Variants in GPR158 observed in about 807,000 individuals in gnomAD.
The protein encoded by GPR158 is G protein-coupled receptor 158.
In GPR158, 30 loss-of-function variants were observed where a neutral mutation model predicts 78.2. That is an observed-to-expected ratio of 0.38 (90% CI 0.29 to 0.52). The LOEUF is 0.52. Among genes scored for constraint, GPR158 ranks in the 20% least tolerant of loss-of-function variants. The pLI is 0.83. For missense variants in GPR158, 1,463 were observed against 1,523.5 expected, an observed-to-expected ratio of 0.96 and a Z score of 0.66; for synonymous variants, 581 against 591.1, an observed-to-expected ratio of 0.98 and a Z score of 0.25.
rs946604590 is a variant in GPR158, at chr10:25,336,998, C to T, written c.1009-58913C>T. ...TTCTTATATTCTTCAGAGAATTATG[C>T]AAATGGAAAAATAAGTAATTTATAA... On this transcript the variant is annotated intron_variant, in intron 2 of 10. Transcript: ENST00000376351. Among the ~76,000 whole-genome samples the T allele has an allele frequency of 1.6e-4, 24 of 151,202 alleles. 1 individual carries two copies. The highest frequency in any genetic ancestry group is 3.4e-3 in the Middle Eastern group (1 of 294).
chr10:25,312,028 A>G (rs538149996), intron 2 of GPR158, among the ~76,000 whole-genome samples: 1 of 152,182 alleles, frequency 6.6e-6, no homozygotes, highest in Non-Finnish European at 1.5e-5. Context: ...TGGTCAAACT[A>G]TATGAAAATT....
At chr10:25,324,138 A>C (rs1420535881) in intron 2 of GPR158, among the ~76,000 whole-genome samples, 2 of 152,226 alleles carry the variant, frequency 1.3e-5, no homozygotes, top group Non-Finnish European at 2.9e-5. Flanking sequence ...CTGGTGTAAC[A>C]CTTTTAATTT....
intron 2 of GPR158, among the ~76,000 whole-genome samples, chr10:25,357,883 A>G (rs192512899): frequency 6.6e-5 from 10 of 152,178 alleles, no homozygotes; most frequent in East Asian, 1.9e-4. Flanking sequence ...AGCTTGTACT[A>G]TGTGCCTGGA....
intron 2 of GPR158, among the ~76,000 whole-genome samples, chr10:25,362,252 A>G (rs1367213934): frequency 1.3e-5 from 2 of 151,944 alleles, no homozygotes; most frequent in Non-Finnish European, 2.9e-5. Flanking sequence ...TTCTTGTGGA[A>G]GATCATTTCA....
At chr10:25,576,797 T>C (rs1183952540) in intron 7 of GPR158, among the ~76,000 whole-genome samples, 2 of 152,202 alleles carry the variant, frequency 1.3e-5, no homozygotes, top group East Asian at 3.9e-4. Flanking sequence ...TGTTAGGCAA[T>C]AACATTAGGG....
At chr10:25,370,829 T>C (rs1032486483) in intron 2 of GPR158, among the ~76,000 whole-genome samples, 1 of 151,730 alleles carries the variant, frequency 6.6e-6, no homozygotes, top group Non-Finnish European at 1.5e-5. Context: ...CACTCAGGAC[T>C]TGCTTTATGA....
chr10:25,235,209 G>A lies in GPR158; in HGVS notation c.1008+14052G>A, dbSNP rs78549157. Among the ~76,000 whole-genome samples, 677 of 152,166 alleles carry A rather than the reference G, an allele frequency of 4.4e-3. 4 individuals carry two copies. Among genetic ancestry groups the A allele is most frequent in the African/African-American group, 0.016 (653 of 41,500 alleles). ...AAATTACAAAAGTGCTTGGTAGTCT[G>A]GTCTTTTTGGTGGCAATGTGTTAGG... On this transcript the variant is annotated intron_variant, in intron 2 of 10. Transcript: ENST00000376351.
intron 4 of GPR158, among the ~76,000 whole-genome samples, chr10:25,455,248 G>A (rs149477383): frequency 6.6e-6 from 1 of 152,074 alleles, no homozygotes; most frequent in African/African-American, 2.4e-5. Flanking sequence ...GTTAGAAAGA[G>A]GTTTAGTCTG....
At chr10:25,445,345 G>A (rs186939048) in intron 4 of GPR158, among the ~76,000 whole-genome samples, 1 of 152,280 alleles carries the variant, frequency 6.6e-6, no homozygotes, top group Non-Finnish European at 1.5e-5. Flanking sequence ...TATATTCAAA[G>A]AAAGTCACTG....
chr10:25,477,897 A>T (rs2130632101), intron 5 of GPR158, among the ~76,000 whole-genome samples: 1 of 152,270 alleles, frequency 6.6e-6, no homozygotes, highest in South Asian at 2.1e-4. Flanking sequence ...GAAGAATGGG[A>T]TGCCAAGACA....
intron 5 of GPR158, among the ~76,000 whole-genome samples, chr10:25,538,413 C>T (rs1436185064): frequency 6.6e-6 from 1 of 152,074 alleles, no homozygotes; most frequent in Non-Finnish European, 1.5e-5. Flanking sequence ...GGGTAATAAA[C>T]AGGGGACAAG....
intron 9 of GPR158, among the ~76,000 whole-genome samples, chr10:25,595,449 A>T (rs34884470): frequency 0.3 from 45,122 of 151,762 alleles, 9,154 homozygotes; most frequent in African/African-American, 0.58. Flanking sequence ...AACTTGTAGA[A>T]GGATGTTCAT....
chr10:25,303,523 A>G (rs991738535), intron 2 of GPR158, among the ~76,000 whole-genome samples: 26 of 152,168 alleles, frequency 1.7e-4, no homozygotes, highest in Non-Finnish European at 2.9e-5. Flanking sequence ...CACTAAAATG[A>G]CTCATCTTCC....
intron 4 of GPR158, among the ~76,000 whole-genome samples, chr10:25,438,531 A>C (rs1253146238): frequency 6.6e-6 from 1 of 152,214 alleles, no homozygotes; most frequent in African/African-American, 2.4e-5. Context: ...TGTGACCATT[A>C]ATTAATTTTA....
intron 5 of GPR158, among the ~76,000 whole-genome samples, chr10:25,492,345 C>T (rs1053238082): frequency 2.6e-5 from 4 of 152,264 alleles, no homozygotes; most frequent in African/African-American, 4.8e-5. Flanking sequence ...CCATGAGAAA[C>T]AATCCCTTGC....
intron 7 of GPR158, among the ~76,000 whole-genome samples, chr10:25,583,860 A>G (rs1837234408): frequency 6.6e-6 from 1 of 152,228 alleles, no homozygotes; most frequent in South Asian, 2.1e-4. Flanking sequence ...AACAGGGTAA[A>G]TCAGAGTACC....
At chr10:25,496,400 G>A (rs948477721) in intron 5 of GPR158, among the ~76,000 whole-genome samples, 1 of 152,276 alleles carries the variant, frequency 6.6e-6, no homozygotes. Context: ...TTTACGCCAG[G>A]CATTTAACTC....
At position 25,450,856 on chromosome 10, in the gene GPR158, C is replaced by T. The variant is rs183959174; in HGVS notation, c.1336-15795C>T. On this transcript the variant is annotated intron_variant, in intron 4 of 10. Coordinates refer to ENST00000376351, the MANE Select transcript of GPR158 (RefSeq NM_020752.3). ...TTCCTCCCATTTCTATTTATCTTTT[C>T]CAAATCTGCCATCAAGAGTTAGATA... is the stretch of plus-strand genomic sequence containing the variant. 3.2e-4 allele frequency among the ~76,000 whole-genome samples: 48 copies of T among 152,238 alleles called. No homozygotes were observed. In the East Asian group the frequency reaches 7.3e-3, roughly 23 times the overall value.
At chr10:25,453,369 A>G (rs774425977) in intron 4 of GPR158, among the ~76,000 whole-genome samples, 4 of 152,068 alleles carry the variant, frequency 2.6e-5, no homozygotes, top group Admixed American at 1.3e-4. Context: ...CCCTTCCTCC[A>G]TATCTTTTCT....
Sources: gnomAD v4.1 joint callset for allele counts (sites outside exome capture counted in the v4.1 genomes callset) on GRCh38, gnomAD v4.1.1 for gene constraint, MANE v1.5 for transcripts, NCBI Gene and HGNC (gene_info 2026-07-23, HGNC 2026-07-21) for gene names.